RPS6KA2: variants seen among roughly 807,000 people sequenced by gnomAD.
The protein encoded by RPS6KA2 is ribosomal protein S6 kinase A2.
A neutral mutation model predicts 91.8 loss-of-function variants in RPS6KA2; 42 were observed. The observed-to-expected ratio is 0.46, with a 90% CI of 0.36 to 0.59. The LOEUF is 0.59. RPS6KA2 is among the 20% of genes least tolerant of loss of function. The pLI, the probability that RPS6KA2 is intolerant of heterozygous loss-of-function variation, is 0.00. For missense variants in RPS6KA2, 798 were observed against 978.5 expected, an observed-to-expected ratio of 0.82 and a Z score of 2.46; for synonymous variants, 414 against 393.6, an observed-to-expected ratio of 1.05 and a Z score of -0.61.
At chr6:166,602,132 G>A (rs1785756812) in intron 1 of RPS6KA2, among the ~76,000 whole-genome samples, 1 of 152,208 alleles carries the variant, frequency 6.6e-6, no homozygotes, top group African/African-American at 2.4e-5. Flanking sequence ...CTGGCCATCG[G>A]GCAGTGCGTG....
chr6:166,578,655 C>A (rs148421583), intron 1 of RPS6KA2, among the ~76,000 whole-genome samples: 1 of 152,182 alleles, frequency 6.6e-6, no homozygotes, highest in Admixed American at 6.5e-5. Context: ...ATCTAGAGAG[C>A]GAGGTTTTGT....
intron 2 of RPS6KA2, among the ~76,000 whole-genome samples, chr6:166,663,835 A>G (rs1057018496): frequency 6.6e-6 from 1 of 152,198 alleles, no homozygotes; most frequent in Admixed American, 6.5e-5. Context: ...GCCTCACTTG[A>G]TGTTAAAGAA....
intron 2 of RPS6KA2, among the ~76,000 whole-genome samples, chr6:166,680,060 G>A (rs933732796): frequency 6.6e-6 from 1 of 152,184 alleles, no homozygotes; most frequent in African/African-American, 2.4e-5. Context: ...TCTAGCTAAA[G>A]GTTTGTAAAC....
At chr6:166,656,131 G>A (rs193285050) in intron 2 of RPS6KA2, among the ~76,000 whole-genome samples, 18 of 152,346 alleles carry the variant, frequency 1.2e-4, no homozygotes, top group African/African-American at 4.3e-4. Context: ...GAAGCTCACC[G>A]AGAGCTTCTT....
intron 2 of RPS6KA2, among the ~76,000 whole-genome samples, chr6:166,660,828 T>C (rs9459709): frequency 0.13 from 20,249 of 152,114 alleles, 1,407 homozygotes; most frequent in Middle Eastern, 0.17. Context: ...TACTCCCCCA[T>C]TGATGGATTT....
rs1162976497 is a variant in RPS6KA2 at position 166,433,567 on chromosome 6, C to A, written c.1333-1077G>T. The stretch of plus-strand genomic sequence containing the variant: ...TGTATTTTGCAAACAACACTCAGAG[C>A]AGAAGAAAAGCGATTGGAAACACCT... On this transcript the variant is annotated intron_variant, in intron 14 of 20. Transcript: ENST00000265678. This position sits in a 1 kb window ranked among gnomAD's most constrained non-coding sequence, Gnocchi z 4.4. 6.6e-6 allele frequency among the ~76,000 whole-genome samples: 1 copy of A among 152,170 alleles called. No homozygotes were observed.
intron 1 of RPS6KA2, among the ~76,000 whole-genome samples, chr6:166,575,317 C>T (rs564255489): frequency 4.6e-5 from 7 of 152,170 alleles, no homozygotes; most frequent in Admixed American, 6.5e-5. Flanking sequence ...TACGGGGGAG[C>T]GCTCAGAAGT....
chr6:166,534,397 A>G (rs1165012531), intron 2 of RPS6KA2, among the ~76,000 whole-genome samples: 1 of 152,176 alleles, frequency 6.6e-6, no homozygotes, highest in African/African-American at 2.4e-5. Context: ...ACCCTGAAGA[A>G]AAAGGAAGCA....
intron 2 of RPS6KA2, among the ~76,000 whole-genome samples, chr6:166,723,018 C>A (rs1790223810): frequency 6.6e-6 from 1 of 152,156 alleles, no homozygotes; most frequent in Non-Finnish European, 1.5e-5. Context: ...TGGGGCGCTG[C>A]AAGGACTTAG....
chr6:166,437,149 C>A lies in RPS6KA2; in HGVS notation c.1333-4659G>T, dbSNP rs974119409. Among the ~76,000 whole-genome samples, 1 of 151,804 alleles carries A rather than the reference C, an allele frequency of 6.6e-6. No homozygotes were observed. Among genetic ancestry groups the A allele is most frequent in the South Asian group, 2.1e-4 (1 of 4,812 alleles). ...GAGGTGTGGCTACAGTCCTGGAGTA[C>A]ATGACCTGGATCTGCTGCGGGCAGC... On this transcript the variant is annotated intron_variant, in intron 14 of 20. Transcript: ENST00000265678. This position sits in a 1 kb window ranked among gnomAD's most constrained non-coding sequence, Gnocchi z 4.3.
At position 166,418,388 on chromosome 6, in the gene RPS6KA2, C is replaced by T. The variant is rs745642473; in HGVS notation, c.1821-46G>A. The T allele has an allele frequency of 2.1e-6, 3 of 1,450,836 alleles. No homozygotes were observed. The highest frequency in any genetic ancestry group is 1.2e-5 in the South Asian group (1 of 86,690). 89.9% of individuals were successfully genotyped at this position (1,450,836 alleles called of 1,614,324 possible). A position where few individuals can be genotyped will look rare whatever the true frequency, so the allele number is the denominator to read the frequency against. On this transcript the variant is annotated intron_variant, in intron 18 of 20. Coordinates refer to ENST00000265678, the MANE Select transcript of RPS6KA2 (RefSeq NM_021135.6). This position sits in a 1 kb window ranked among gnomAD's most constrained non-coding sequence, Gnocchi z 4.9. ...GTGGTAATGAGCTTGTATTTTACAA[C>T]CTAAAATAAAGTTTGCAAGTTGATA...
chr6:166,858,269 A>G, intron 1 of RPS6KA2: 1 of 1,499,848 alleles, frequency 6.7e-7, no homozygotes, highest in South Asian at 1.2e-5. Flanking sequence ...TCTGATAACA[A>G]AGATAGATGT....
At chr6:166,787,978 A>C (rs1778976547) in intron 2 of RPS6KA2, among the ~76,000 whole-genome samples, 1 of 137,836 alleles carries the variant, frequency 7.3e-6, no homozygotes, top group Non-Finnish European at 1.5e-5. Context: ...AAATTTACAA[A>C]AAAAAAAAAA....
chr6:166,791,883 T>G (rs559043912), intron 2 of RPS6KA2, among the ~76,000 whole-genome samples: 10 of 151,818 alleles, frequency 6.6e-5, no homozygotes, highest in East Asian at 3.9e-4. Context: ...GAGGGAAATT[T>G]ATAGTACTAA....
chr6:166,670,860 G>A (rs931634783), intron 2 of RPS6KA2, among the ~76,000 whole-genome samples: 19 of 152,186 alleles, frequency 1.2e-4, no homozygotes, highest in Admixed American at 5.2e-4. Flanking sequence ...TCACTCTGTC[G>A]CCCAGGCTGG....
chr6:166,589,537 A>C (rs1022629716), intron 1 of RPS6KA2, among the ~76,000 whole-genome samples: 3 of 152,238 alleles, frequency 2.0e-5, no homozygotes, highest in African/African-American at 7.2e-5. Context: ...GAAATCAGTC[A>C]TGCTTCATGG....
At chr6:166,531,408 G>T in intron 2 of RPS6KA2, 95 bp from the exon 3 acceptor site, 1 of 950,692 alleles carries the variant, frequency 1.1e-6, no homozygotes, top group Non-Finnish European at 1.7e-6. Flanking sequence ...GAAGTTTAGA[G>T]CATTTTCAAT....
chr6:166,818,886 GC>G (rs961241681), intron 2 of RPS6KA2, among the ~76,000 whole-genome samples: 4 of 151,834 alleles, frequency 2.6e-5, no homozygotes, highest in Non-Finnish European at 5.9e-5. Flanking sequence ...AATACCCCAG[GC>G]TCATCTTGTA....
intron 2 of RPS6KA2, among the ~76,000 whole-genome samples, chr6:166,851,319 C>G (rs114242643): frequency 6.6e-5 from 10 of 152,288 alleles, no homozygotes; most frequent in Admixed American, 6.5e-4. Flanking sequence ...CCTGCTGCTC[C>G]GCACACTAGA....
Sources: gnomAD v4.1 joint callset for allele counts (sites outside exome capture counted in the v4.1 genomes callset) on GRCh38, gnomAD v4.1.1 for gene constraint, Gnocchi (gnomAD v3.1) non-coding constraint, MANE v1.5 for transcripts, NCBI Gene and HGNC (gene_info 2026-07-23, HGNC 2026-07-21) for gene names.